The following EPHA6 variants were observed in gnomAD, a reference collection of about 807,000 sequenced individuals.
EPHA6 encodes the protein EPH receptor A6.
EPHA6 carries 50 observed loss-of-function variants against 112.0 expected under a neutral mutation model. The ratio of observed to expected loss-of-function variants is 0.45; its 90% CI spans 0.36 to 0.56. The LOEUF is 0.56. Ranked by LOEUF, EPHA6 falls within the 20% of genes least tolerant of loss-of-function variation. The pLI is 0.00. For synonymous variants in EPHA6, 529 were observed against 490.7 expected, an observed-to-expected ratio of 1.08 and a Z score of -1.03; for missense variants, 1,280 against 1,417.4, an observed-to-expected ratio of 0.90 and a Z score of 1.56.
rs367573095 is a variant in EPHA6 at position 97,187,548 on chromosome 3, GTGAC to G, written c.1115-38708_1115-38705del. 6.8e-4 allele frequency among the ~76,000 whole-genome samples: 100 copies of G among 146,078 alleles called. No homozygotes were observed. The East Asian group carries it at 0.018, about 26-fold the overall frequency. On this transcript the variant is annotated intron_variant, in intron 3 of 17. Transcript: ENST00000389672. ...ATTGTAACACTGCACTCCAACCTGT[GTGAC>G]TGACTGAGCGAGACTTCGTCTCAAA...
intron 3 of EPHA6, among the ~76,000 whole-genome samples, chr3:97,155,534 C>A (rs1179986848): frequency 6.6e-6 from 1 of 152,092 alleles, no homozygotes; most frequent in Non-Finnish European, 1.5e-5. Flanking sequence ...AATTTATTAA[C>A]CCACAGTCTT....
intron 3 of EPHA6, among the ~76,000 whole-genome samples, chr3:97,132,017 T>C (rs1222479735): frequency 5.3e-5 from 8 of 152,090 alleles, no homozygotes; most frequent in Non-Finnish European, 2.9e-5. Context: ...AAATTGTATA[T>C]ATGGCACTAG....
At chr3:97,168,599 GTCTC>G (rs1405274372) in intron 3 of EPHA6, among the ~76,000 whole-genome samples, 1 of 123,926 alleles carries the variant, frequency 8.1e-6, no homozygotes, top group Non-Finnish European at 1.6e-5. Flanking sequence ...CTCTCTGTGT[GTCTC>G]TCTCTGTCTC....
intron 14 of EPHA6, among the ~76,000 whole-genome samples, chr3:97,717,792 A>C (rs1054393536): frequency 6.6e-6 from 1 of 152,218 alleles, no homozygotes; most frequent in African/African-American, 2.4e-5. Context: ...TTACAGAAAA[A>C]AATAAAACCG....
At chr3:97,126,887 G>A (rs958333424) in intron 3 of EPHA6, among the ~76,000 whole-genome samples, 2 of 130,022 alleles carry the variant, frequency 1.5e-5, no homozygotes, top group African/African-American at 3.5e-5. Context: ...AGGAGGCAAA[G>A]GGAGAAGGTG....
At chr3:97,454,755 A>G (rs1238983938) in intron 7 of EPHA6, among the ~76,000 whole-genome samples, 1 of 151,878 alleles carries the variant, frequency 6.6e-6, no homozygotes, top group Non-Finnish European at 1.5e-5. Flanking sequence ...TTGAAGCACA[A>G]TCTGTACTGC....
chr3:97,145,693 T>G (rs2076026850), intron 3 of EPHA6, among the ~76,000 whole-genome samples: 1 of 151,738 alleles, frequency 6.6e-6, no homozygotes, highest in South Asian at 2.1e-4. Flanking sequence ...CATAGGTTTT[T>G]TATTTTGTGT....
chr3:97,003,590 T>G (rs889856622), intron 3 of EPHA6, among the ~76,000 whole-genome samples: 1 of 152,264 alleles, frequency 6.6e-6, no homozygotes, highest in Non-Finnish European at 1.5e-5. Context: ...AATTAGGATT[T>G]TCATGAAAAT....
intron 2 of EPHA6, among the ~76,000 whole-genome samples, chr3:96,976,302 T>C (rs1559636980): frequency 2.0e-5 from 3 of 152,192 alleles, no homozygotes; most frequent in East Asian, 3.8e-4. Context: ...AGTGCATGCT[T>C]CTTGTCTGAG....
At chr3:97,718,716 GGT>G in intron 14 of EPHA6, among the ~76,000 whole-genome samples, 1 of 152,128 alleles carries the variant, frequency 6.6e-6, no homozygotes, top group South Asian at 2.1e-4. Flanking sequence ...GTCTTAATTT[GGT>G]GCTGCCTTTA....
Position 97,705,384 on chromosome 3 carries a change from G to A in EPHA6, c.2785-14877G>A, listed in dbSNP as rs770631319. 5.4e-4 allele frequency among the ~76,000 whole-genome samples: 82 copies of A among 152,104 alleles called. 1 individual carries two copies. The highest frequency in any genetic ancestry group is 7.7e-4 in the East Asian group (4 of 5,180). ...TCTCCTGACTCTCCACTATCATGGC[G>A]CCTCTCACATTTCATGGCGCCTCTC... On this transcript the variant is annotated intron_variant, in intron 14 of 17. Transcript: ENST00000389672.
chr3:97,214,052 AGAGGGAGAGGGAGT>A (rs2077962625), intron 3 of EPHA6, among the ~76,000 whole-genome samples: 1 of 148,320 alleles, frequency 6.7e-6, no homozygotes, highest in Non-Finnish European at 1.5e-5. Flanking sequence ...AGAGAGAGAG[AGAGGGAGAGGGAGT>A]CTCATTCTGT....
intron 3 of EPHA6, among the ~76,000 whole-genome samples, chr3:97,194,024 A>G (rs1318182187): frequency 1.3e-5 from 2 of 151,954 alleles, no homozygotes; most frequent in Admixed American, 1.3e-4. Flanking sequence ...CAAAAAAACA[A>G]CTTTTCATTT....
chr3:96,848,321 T>C (rs1337733008), intron 1 of EPHA6, among the ~76,000 whole-genome samples: 1 of 152,080 alleles, frequency 6.6e-6, no homozygotes, highest in Non-Finnish European at 1.5e-5. Flanking sequence ...AAATAAAGAT[T>C]TGTGAAAATT....
intron 5 of EPHA6, among the ~76,000 whole-genome samples, chr3:97,374,359 G>A (rs1469970038): frequency 6.6e-6 from 1 of 151,862 alleles, no homozygotes; most frequent in Non-Finnish European, 1.5e-5. Flanking sequence ...TCTTGTTTTG[G>A]TACCTCTTAT....
At chr3:97,310,694 A>T (rs138099134) in intron 5 of EPHA6, among the ~76,000 whole-genome samples, 38 of 151,688 alleles carry the variant, frequency 2.5e-4, no homozygotes, top group Non-Finnish European at 4.7e-4. Flanking sequence ...ACAAGTGCTG[A>T]TCCTCAGATG....
chr3:97,630,149 A>AT (rs2093891029), intron 13 of EPHA6, among the ~76,000 whole-genome samples: 1 of 151,726 alleles, frequency 6.6e-6, no homozygotes, highest in Non-Finnish European at 1.5e-5. Context: ...TAGAAATGAC[A>AT]TTTTTAGTTT....
At chr3:97,310,127 C>T (rs2081487196) in intron 5 of EPHA6, among the ~76,000 whole-genome samples, 1 of 151,406 alleles carries the variant, frequency 6.6e-6, no homozygotes, top group African/African-American at 2.4e-5. Flanking sequence ...ATCTTTATCC[C>T]TCACTCCCAC....
At chr3:97,489,159 G>C (rs935184232) in intron 10 of EPHA6, among the ~76,000 whole-genome samples, 1 of 152,186 alleles carries the variant, frequency 6.6e-6, no homozygotes, top group African/African-American at 2.4e-5. Context: ...AATAAATACA[G>C]TTTCTACATT....
Sources: allele counts gnomAD v4.1 joint callset (sites outside exome capture counted in the v4.1 genomes callset), GRCh38; gene constraint gnomAD v4.1.1; transcripts MANE v1.5; gene names NCBI Gene and HGNC (gene_info 2026-07-23, HGNC 2026-07-21).